Variants in CADPS observed in about 807,000 individuals in gnomAD.
CADPS encodes calcium-dependent secretion activator 1.
CADPS carries 57 observed loss-of-function variants against 167.3 expected under a neutral mutation model. The observed-to-expected ratio is 0.34, with a 90% CI of 0.28 to 0.42. The LOEUF is 0.42. CADPS is among the 20% of genes least tolerant of loss of function. The pLI is 1.00. For synonymous variants in CADPS, 676 were observed against 635.3 expected (o/e 1.06, Z -0.96); for missense variants, 1,414 against 1,738.1 (o/e 0.81, Z 3.32).
chr3:62,758,302 C>T (rs1361665006), intron 2 of CADPS, among the ~76,000 whole-genome samples: 1 of 152,144 alleles, frequency 6.6e-6, no homozygotes, highest in Non-Finnish European at 1.5e-5. Context: ...ATACAACTGC[C>T]AGATCCCAGA....
At chr3:62,645,690 T>G in intron 6 of CADPS, 32 bp downstream of exon 6, 1 of 1,612,440 alleles carries the variant, frequency 6.2e-7, no homozygotes, top group Non-Finnish European at 8.5e-7. Context: ...AGCAACCCTC[T>G]ATAAGATGGA....
chr3:62,585,396 T>C (rs2084375160), intron 7 of CADPS, 72 bp from the exon 8 acceptor site: 1 of 1,495,680 alleles, frequency 6.7e-7, no homozygotes, highest in Admixed American at 2.2e-5. Flanking sequence ...GAAACTTTGA[T>C]TCTGAGTAGT....
intron 1 of CADPS, among the ~76,000 whole-genome samples, chr3:62,808,466 C>T (rs917262509): frequency 2.6e-5 from 4 of 152,124 alleles, no homozygotes; most frequent in African/African-American, 9.7e-5. Context: ...GCTTCAGGCC[C>T]AGGTTGATTG....
chr3:62,648,360 A>AT (rs2069071039), intron 5 of CADPS, among the ~76,000 whole-genome samples: 1 of 152,150 alleles, frequency 6.6e-6, no homozygotes. Context: ...TCAGCTGTGT[A>AT]ATATCGAGTA....
intron 9 of CADPS, among the ~76,000 whole-genome samples, chr3:62,568,391 G>C (rs1194202405): frequency 6.6e-6 from 1 of 152,252 alleles, no homozygotes; most frequent in African/African-American, 2.4e-5. Flanking sequence ...CTAGAACGAA[G>C]CAGGTGGAAG....
chr3:62,474,572 T>A (rs1273086589), intron 23 of CADPS, among the ~76,000 whole-genome samples: 1 of 152,160 alleles, frequency 6.6e-6, no homozygotes, highest in Admixed American at 6.5e-5. Flanking sequence ...CTCTCTATAG[T>A]TTACATGCTA....
chr3:62,580,452 G>T (rs112906579), intron 8 of CADPS, among the ~76,000 whole-genome samples: 8,949 of 152,096 alleles, frequency 0.059, 389 homozygotes, highest in East Asian at 0.22. Context: ...CGGGGGAGTG[G>T]GGAGGGATAG....
At chr3:62,582,682 C>G (rs192948464) in intron 8 of CADPS, among the ~76,000 whole-genome samples, 199 of 152,266 alleles carry the variant, frequency 1.3e-3, no homozygotes, top group Middle Eastern at 3.4e-3. Flanking sequence ...ACTCACCGTT[C>G]ACTTTTCAGA....
chr3:62,669,575 T>C (rs552518697), intron 3 of CADPS, among the ~76,000 whole-genome samples: 1 of 152,306 alleles, frequency 6.6e-6, no homozygotes, highest in African/African-American at 2.4e-5. Flanking sequence ...GTAGAGCCTG[T>C]AGAACACGGT....
At chr3:62,583,998 C>T (rs2148572604) in intron 8 of CADPS, among the ~76,000 whole-genome samples, 1 of 134,160 alleles carries the variant, frequency 7.5e-6, no homozygotes, top group Admixed American at 8.2e-5. Flanking sequence ...TACATCTACC[C>T]AATCCTCTTT....
chr3:62,861,514 C>G (rs2080801158), intron 1 of CADPS, among the ~76,000 whole-genome samples: 2 of 152,160 alleles, frequency 1.3e-5, no homozygotes, highest in Admixed American at 1.3e-4. Flanking sequence ...TTGTACAAAT[C>G]TCCCCACAAA....
intron 1 of CADPS, among the ~76,000 whole-genome samples, chr3:62,804,536 T>A (rs985178886): frequency 1.3e-5 from 2 of 152,154 alleles, no homozygotes; most frequent in Non-Finnish European, 2.9e-5. Context: ...ACTAGCTTTA[T>A]GAATTTATTT....
In CADPS at chr3:62,651,007, T is replaced by G. The variant is rs373248827; in HGVS notation, c.1043A>C (p.Asn348Thr). Residue 348 changes from asparagine to threonine, a missense_variant, in exon 5 of 30, where the codon AAC becomes ACC. Coordinates refer to ENST00000383710, the MANE Select transcript of CADPS (RefSeq NM_003716.4). Reference protein sequence around the residue: ...MYIEELKSSVNLLMANLESMP... With the variant: ...MYIEELKSSVTLLMANLESMP... ...GCTCTCCAAGTTGGCCATGAGCAGG[T>G]TGACAGATGACTTCAGCTCCTCAAT... 14 of 1,614,062 alleles carry G rather than the reference T, an allele frequency of 8.7e-6. No homozygotes were observed. The highest frequency in any genetic ancestry group is 2.7e-5 in the African/African-American group (2 of 74,938).
intron 28 of CADPS, among the ~76,000 whole-genome samples, chr3:62,430,725 C>A (rs923459939): frequency 2.0e-5 from 3 of 151,788 alleles, no homozygotes; most frequent in Non-Finnish European, 4.4e-5. Flanking sequence ...TATATAGATA[C>A]CCGTTACGTA....
chr3:62,870,103 A>C (rs1046902554), intron 1 of CADPS, among the ~76,000 whole-genome samples: 1 of 152,182 alleles, frequency 6.6e-6, no homozygotes, highest in Non-Finnish European at 1.5e-5. Context: ...CTATCAGTGC[A>C]TAACAGCGGC....
At chr3:62,733,942 A>G (rs2078459930) in intron 3 of CADPS, among the ~76,000 whole-genome samples, 1 of 152,184 alleles carries the variant, frequency 6.6e-6, no homozygotes, top group Non-Finnish European at 1.5e-5. Context: ...AACATGTAAT[A>G]GTTTTCCATT....
intron 5 of CADPS, among the ~76,000 whole-genome samples, chr3:62,649,167 C>T (rs2069361056): frequency 6.6e-6 from 1 of 152,106 alleles, no homozygotes; most frequent in South Asian, 2.1e-4. Context: ...TCATAAAACC[C>T]TTGTGGGGTT....
chr3:62,807,836 A>G (rs191551434), intron 1 of CADPS, among the ~76,000 whole-genome samples: 1 of 151,830 alleles, frequency 6.6e-6, no homozygotes, highest in East Asian at 1.9e-4. Flanking sequence ...TTTCCCATCA[A>G]TTTTTAGGTA....
chr3:62,432,131 T>C (rs879468938), intron 28 of CADPS, among the ~76,000 whole-genome samples: 1 of 152,140 alleles, frequency 6.6e-6, no homozygotes, highest in Non-Finnish European at 1.5e-5. Flanking sequence ...GGGGTAGAGC[T>C]AGGCTATTTC....
Sources: gnomAD v4.1 joint callset for allele counts (sites outside exome capture counted in the v4.1 genomes callset) on GRCh38, gnomAD v4.1.1 for gene constraint, MANE v1.5 for transcripts, NCBI Gene and HGNC (gene_info 2026-07-23, HGNC 2026-07-21) for gene names.